Variants in RYR3 observed in about 807,000 individuals in gnomAD.
The protein encoded by RYR3 is brain ryanodine receptor-calcium release channel.
In RYR3, 207 loss-of-function variants were observed where a neutral mutation model predicts 584.3. That is an observed-to-expected ratio of 0.35 (90% CI 0.32 to 0.40). The LOEUF (loss-of-function observed/expected upper bound fraction) is 0.40, where lower values mean the gene tolerates loss of function less well. RYR3 is among the 10% of genes least tolerant of loss of function. The pLI is 1.00. For missense variants in RYR3, 5,616 were observed against 6,089.2 expected (o/e 0.92, Z 2.59); for synonymous variants, 2,416 against 2,248.5 (o/e 1.07, Z -2.11).
intron 67 of RYR3, among the ~76,000 whole-genome samples, chr15:33,794,932 TG>T (rs1379399417): frequency 6.6e-6 from 1 of 152,142 alleles, no homozygotes; most frequent in African/African-American, 2.4e-5. Context: ...TTGGGAAAAG[TG>T]GGGAGCAAAA....
chr15:33,404,485 A>G (rs1244402249), intron 1 of RYR3, among the ~76,000 whole-genome samples: 1 of 152,118 alleles, frequency 6.6e-6, no homozygotes, highest in Non-Finnish European at 1.5e-5. Context: ...CTGGTTGTTT[A>G]TGGCAGAACT....
At chr15:33,745,080 TGA>T (rs991976034) in intron 52 of RYR3, among the ~76,000 whole-genome samples, 26 of 151,756 alleles carry the variant, frequency 1.7e-4, no homozygotes, top group Non-Finnish European at 3.7e-4. Context: ...GGGAAGTGGG[TGA>T]GAGAGACAGA....
At chr15:33,632,860 C>A in intron 23 of RYR3, 89 bp from the exon 24 acceptor site, 2 of 1,115,180 alleles carry the variant, frequency 1.8e-6, no homozygotes, top group African/African-American at 1.6e-5. Context: ...ATTTGCGTAG[C>A]GTTCTTACCA....
intron 1 of RYR3, among the ~76,000 whole-genome samples, chr15:33,332,597 T>C (rs2140688236): frequency 6.6e-6 from 1 of 152,218 alleles, no homozygotes; most frequent in East Asian, 1.9e-4. Context: ...ATAAATCTTA[T>C]TCTCTCATTA....
At chr15:33,454,241 C>T (rs1324390974) in intron 1 of RYR3, among the ~76,000 whole-genome samples, 1 of 152,130 alleles carries the variant, frequency 6.6e-6, no homozygotes, top group Non-Finnish European at 1.5e-5. Flanking sequence ...ACTGAGTATC[C>T]CCAAACTAAA....
chr15:33,802,293 T>C (rs1048321837), intron 69 of RYR3, among the ~76,000 whole-genome samples: 1 of 152,236 alleles, frequency 6.6e-6, no homozygotes, highest in African/African-American at 2.4e-5. Flanking sequence ...GATACAGCAA[T>C]ACACATGCCT....
At chr15:33,615,892 T>G (rs2060424831) in intron 19 of RYR3, among the ~76,000 whole-genome samples, 1 of 152,192 alleles carries the variant, frequency 6.6e-6, no homozygotes. Flanking sequence ...ATTTTCCATC[T>G]TCCCCACTCC....
At chr15:33,808,988 A>G (rs1291695450) in intron 70 of RYR3, among the ~76,000 whole-genome samples, 2 of 152,196 alleles carry the variant, frequency 1.3e-5, no homozygotes, top group Non-Finnish European at 2.9e-5. Context: ...TGATACTGTG[A>G]TGCAACCACC....
intron 57 of RYR3, among the ~76,000 whole-genome samples, chr15:33,752,821 G>C (rs2071445230): frequency 6.6e-6 from 1 of 151,542 alleles, no homozygotes; most frequent in Non-Finnish European, 1.5e-5. Context: ...TTTTCAAAGG[G>C]AATGCTTCCC....
rs369367490 is a variant in RYR3, at chr15:33,569,019, C to T, written c.1268+2220C>T. 4.0e-3 allele frequency among the ~76,000 whole-genome samples: 607 copies of T among 152,078 alleles called. 4 individuals are homozygous for T. The highest frequency in any genetic ancestry group is 0.014 in the African/African-American group (576 of 41,502). ...CACCTTTTTATTGGTGAAGAGTATT[C>T]TTGTGTGTGTGTGTGCGTGTATGTG... On this transcript the variant is annotated intron_variant, in intron 12 of 103. Coordinates refer to ENST00000634891, the MANE Select transcript of RYR3 (RefSeq NM_001036.6).
intron 67 of RYR3, among the ~76,000 whole-genome samples, chr15:33,795,085 G>A (rs946213109): frequency 2.6e-5 from 4 of 152,156 alleles, no homozygotes; most frequent in African/African-American, 7.2e-5. Context: ...AATCCCTCTT[G>A]TGGCAGCTCT....
chr15:33,596,689 A>C (rs1466949421), intron 16 of RYR3, among the ~76,000 whole-genome samples: 1 of 152,170 alleles, frequency 6.6e-6, no homozygotes, highest in Non-Finnish European at 1.5e-5. Context: ...ATATCCTCCT[A>C]TTTGAAACCA....
chr15:33,508,099 A>G (rs1422673949), intron 3 of RYR3, among the ~76,000 whole-genome samples: 1 of 152,172 alleles, frequency 6.6e-6, no homozygotes, highest in Non-Finnish European at 1.5e-5. Context: ...GGTTAACACA[A>G]TTACCAGCTG....
intron 19 of RYR3, among the ~76,000 whole-genome samples, chr15:33,620,310 C>T (rs976299005): frequency 9.2e-5 from 14 of 152,124 alleles, no homozygotes; most frequent in African/African-American, 3.1e-4. Flanking sequence ...AAACCCTTAT[C>T]GTTTGGCTTC....
Position 33,539,432 on chromosome 15 carries a change from C to T in RYR3, c.516C>T (p.Ile172=). 1.2e-6 allele frequency: 2 copies of T among 1,600,320 alleles called. No individual in the cohort carries two copies. The highest frequency in any genetic ancestry group is 1.7e-6 in the Non-Finnish European group (2 of 1,172,538). ...GEKVRIGDDL[I]LVSVSSERYL... The stretch of plus-strand genomic sequence containing the variant: ...AAGTTCGAATTGGCGATGACCTCAT[C>T]CTCGTCAGCGTGTCCTCTGAAAGAT... The change falls in exon 6 of 104, where the codon ATC becomes ATT. Residue 172 remains isoleucine (I), a synonymous_variant. Coordinates refer to ENST00000634891, the MANE Select transcript of RYR3 (RefSeq NM_001036.6).
intron 70 of RYR3, chr15:33,807,809 G>A: frequency 1.8e-6 from 1 of 560,798 alleles, no homozygotes; most frequent in Non-Finnish European, 3.2e-6. Context: ...AGGTCTCCTT[G>A]CTATCTCTGC....
intron 1 of RYR3, among the ~76,000 whole-genome samples, chr15:33,407,026 T>A (rs2043070631): frequency 6.6e-6 from 1 of 152,230 alleles, no homozygotes. Flanking sequence ...TGAAGATTGC[T>A]CTCTGCTTCC....
intron 19 of RYR3, among the ~76,000 whole-genome samples, chr15:33,620,480 A>C (rs956501444): frequency 1.3e-5 from 2 of 152,148 alleles, no homozygotes; most frequent in Non-Finnish European, 2.9e-5. Context: ...TCACTTTAGG[A>C]TGTGAAAATA....
intron 28 of RYR3, among the ~76,000 whole-genome samples, chr15:33,645,647 A>G (rs958036832): frequency 9.9e-5 from 15 of 152,222 alleles, no homozygotes; most frequent in African/African-American, 3.4e-4. Context: ...TATAGAGAGC[A>G]AAGAAGAGGC....
Sources: gnomAD v4.1 joint callset for allele counts (sites outside exome capture counted in the v4.1 genomes callset) on GRCh38, gnomAD v4.1.1 for gene constraint, MANE v1.5 for transcripts, NCBI Gene and HGNC (gene_info 2026-07-23, HGNC 2026-07-21) for gene names.